The following ADAMTS6 variants were observed in gnomAD, a reference collection of about 807,000 sequenced individuals.
ADAMTS6 encodes ADAM metallopeptidase with thrombospondin type 1 motif 6, also known as A disintegrin and metalloproteinase with thrombospondin motifs 6.
A neutral mutation model predicts 144.3 loss-of-function variants in ADAMTS6; 23 were observed. The ratio of observed to expected loss-of-function variants is 0.16; its 90% confidence interval spans 0.11 to 0.23. ADAMTS6 has a LOEUF of 0.23. Ranked by LOEUF, ADAMTS6 falls within the 10% of genes least tolerant of loss-of-function variation. The probability of loss-of-function intolerance (pLI) is 1.00; values close to 1 mark genes in which losing one functional copy is unlikely to be tolerated. For missense variants in ADAMTS6, 999 were observed against 1,379.6 expected (o/e 0.72, Z 4.37); for synonymous variants, 444 against 457.5 (o/e 0.97, Z 0.38).
intron 7 of ADAMTS6, among the ~76,000 whole-genome samples, chr5:65,385,578 C>T (rs1418678768): frequency 1.3e-5 from 2 of 152,070 alleles, no homozygotes; most frequent in Non-Finnish European, 2.9e-5. Context: ...AAATTATCAT[C>T]ATTTTTTATT....
At chr5:65,444,757 C>T (rs10940035) in intron 7 of ADAMTS6, among the ~76,000 whole-genome samples, 91,953 of 151,924 alleles carry the variant, frequency 0.61, 29,660 homozygotes, top group African/African-American at 0.84. Flanking sequence ...CAGGTGCCAA[C>T]GTTATTAAAG....
chr5:65,170,714 G>T lies in ADAMTS6; in HGVS notation c.3147C>A (p.Thr1049=). Reference sequence around the variant, plus strand: ...CTAGACAGTCACTAGATGCCTGTCCGGTGTAGGAGAGACACTGCACAGTTC... The same window carrying T: ...CTAGACAGTCACTAGATGCCTGTCCTGTGTAGGAGAGACACTGCACAGTTC... ...QMRTVQCLSY[T]GQASSDCLET... The change falls in exon 24 of 25, where the codon ACC becomes ACA. Residue 1049 remains threonine, a synonymous_variant. Coordinates refer to ENST00000381055, the MANE Select transcript of ADAMTS6 (RefSeq NM_197941.4). The T allele has an allele frequency of 6.2e-7, 1 of 1,614,116 alleles. No homozygotes were observed. Among genetic ancestry groups the T allele is most frequent in the Non-Finnish European group, 8.5e-7 (1 of 1,180,002 alleles).
chr5:65,455,848 G>A (rs1372621751), intron 4 of ADAMTS6, among the ~76,000 whole-genome samples: 2 of 151,680 alleles, frequency 1.3e-5, no homozygotes, highest in Non-Finnish European at 2.9e-5. Flanking sequence ...TCAGTGTAAG[G>A]TAGTTGCTGT....
At chr5:65,274,269 GC>G (rs1762281209) in intron 11 of ADAMTS6, among the ~76,000 whole-genome samples, 1 of 151,680 alleles carries the variant, frequency 6.6e-6, no homozygotes, top group South Asian at 2.1e-4. Context: ...GGTTTCAACC[GC>G]CCCCAAAAAG....
chr5:65,316,830 C>A (rs1745051564), intron 9 of ADAMTS6, among the ~76,000 whole-genome samples: 1 of 151,220 alleles, frequency 6.6e-6, no homozygotes, highest in Admixed American at 6.6e-5. Flanking sequence ...GAGACGGAGT[C>A]TTGCTCTGTT....
intron 9 of ADAMTS6, 43 bp downstream of exon 9, chr5:65,329,335 G>A (rs1746483129): frequency 3.2e-6 from 5 of 1,578,494 alleles, no homozygotes; most frequent in Non-Finnish European, 4.3e-6. Flanking sequence ...TTGCTCAAGA[G>A]CAGAGTTCTA....
At chr5:65,243,701 A>G (rs1192648790) in intron 14 of ADAMTS6, among the ~76,000 whole-genome samples, 1 of 152,096 alleles carries the variant, frequency 6.6e-6, no homozygotes, top group Non-Finnish European at 1.5e-5. Flanking sequence ...GCTCTAGGTT[A>G]AAGGAATCCT....
chr5:65,315,297 G>T (rs952563880), intron 9 of ADAMTS6, among the ~76,000 whole-genome samples: 2 of 151,604 alleles, frequency 1.3e-5, no homozygotes, highest in African/African-American at 2.4e-5. Context: ...AATATATTTT[G>T]TATATAAAAT....
chr5:65,332,426 T>G (rs1746854169), intron 8 of ADAMTS6, among the ~76,000 whole-genome samples: 1 of 151,594 alleles, frequency 6.6e-6, no homozygotes, highest in African/African-American at 2.4e-5. Flanking sequence ...CTGGCTAATA[T>G]GTGCACCTGA....
chr5:65,192,344 T>C (rs1320846212), intron 21 of ADAMTS6, among the ~76,000 whole-genome samples: 3 of 152,058 alleles, frequency 2.0e-5, no homozygotes, highest in Non-Finnish European at 4.4e-5. Flanking sequence ...CAAAGTACAG[T>C]GTCTTCCAAC....
chr5:65,237,923 CAA>C (rs1758816693), intron 15 of ADAMTS6, among the ~76,000 whole-genome samples: 2 of 151,796 alleles, frequency 1.3e-5, no homozygotes, highest in South Asian at 4.2e-4. Context: ...CCCATCTCTA[CAA>C]AAAATACAAA....
intron 7 of ADAMTS6, among the ~76,000 whole-genome samples, chr5:65,418,351 A>G (rs773731435): frequency 6.6e-6 from 1 of 152,176 alleles, no homozygotes; most frequent in African/African-American, 2.4e-5. Context: ...TGCAACAAAA[A>G]CAAAAATTGT....
At chr5:65,323,355 G>C (rs1016766919) in intron 9 of ADAMTS6, among the ~76,000 whole-genome samples, 1 of 145,996 alleles carries the variant, frequency 6.8e-6, no homozygotes, top group African/African-American at 2.5e-5. Flanking sequence ...CTATGAGTGA[G>C]AACATGGCAG....
chr5:65,167,462 G>C (rs1285792359), intron 24 of ADAMTS6, among the ~76,000 whole-genome samples: 2 of 152,060 alleles, frequency 1.3e-5, no homozygotes, highest in Non-Finnish European at 2.9e-5. Flanking sequence ...GTACACAGAG[G>C]AACTGGTACC....
At chr5:65,414,870 C>G (rs1048957788) in intron 7 of ADAMTS6, among the ~76,000 whole-genome samples, 2 of 151,998 alleles carry the variant, frequency 1.3e-5, no homozygotes, top group African/African-American at 4.8e-5. Context: ...AGGGCTAAAA[C>G]TACAAAAATC....
chr5:65,190,939 C>G (rs1433229896), intron 21 of ADAMTS6, among the ~76,000 whole-genome samples: 1 of 152,036 alleles, frequency 6.6e-6, no homozygotes, highest in South Asian at 2.1e-4. Context: ...CTCCACTCTC[C>G]CATCTAGTTT....
intron 12 of ADAMTS6, among the ~76,000 whole-genome samples, chr5:65,268,114 T>C (rs1761765423): frequency 6.6e-6 from 1 of 152,210 alleles, no homozygotes; most frequent in South Asian, 2.1e-4. Context: ...TCCTATTATA[T>C]ATCCAGTGCT....
chr5:65,444,970 T>C (rs1182047757), intron 7 of ADAMTS6, among the ~76,000 whole-genome samples: 1 of 152,248 alleles, frequency 6.6e-6, no homozygotes, highest in African/African-American at 2.4e-5. Context: ...AGGTTTTAAA[T>C]GATTGAGTGT....
chr5:65,198,067 C>T (rs1755498875), intron 20 of ADAMTS6, among the ~76,000 whole-genome samples: 1 of 152,078 alleles, frequency 6.6e-6, no homozygotes. Flanking sequence ...AAGAAGCAGA[C>T]AGGTATATCA....
Sources: allele counts gnomAD v4.1 joint callset (sites outside exome capture counted in the v4.1 genomes callset), GRCh38; gene constraint gnomAD v4.1.1; transcripts MANE v1.5; gene names NCBI Gene and HGNC (gene_info 2026-07-23, HGNC 2026-07-21).